Variants in NELL2 observed in about 807,000 individuals in gnomAD.
NELL2 encodes protein kinase C-binding protein NELL2.
NELL2 carries 41 observed loss-of-function variants against 109.6 expected under a neutral mutation model. The observed-to-expected ratio is 0.37, with a 90% CI of 0.29 to 0.49. The LOEUF (loss-of-function observed/expected upper bound fraction) is 0.49. NELL2 is among the 20% of genes least tolerant of loss of function. The probability of loss-of-function intolerance (pLI) is 0.98; values close to 1 mark genes in which losing one functional copy is unlikely to be tolerated. For synonymous variants in NELL2, 355 were observed against 344.7 expected, an observed-to-expected ratio of 1.03 and a Z score of -0.33; for missense variants, 900 against 1,008.3, an observed-to-expected ratio of 0.89 and a Z score of 1.45.
At position 44,723,466 on chromosome 12, in the gene NELL2, T is replaced by C. The variant is rs575450116; in HGVS notation, c.995-8725A>G. 1.6e-4 allele frequency among the ~76,000 whole-genome samples: 24 copies of C among 152,336 alleles called. No homozygotes were observed. In the South Asian group the frequency reaches 4.8e-3, roughly 30 times the overall value. ...TAATCAGTTAAACTGAGAAATCATA[T>C]ACGACAATAAATATGTACTTTAAAC... On this transcript the variant is annotated intron_variant, in intron 9 of 19. Transcript: ENST00000429094.
intron 19 of NELL2, among the ~76,000 whole-genome samples, chr12:44,516,581 C>T (rs182892798): frequency 6.6e-6 from 1 of 152,090 alleles, no homozygotes; most frequent in Non-Finnish European, 1.5e-5. Context: ...CAATGATTTC[C>T]TCTTTTATTT....
At chr12:44,569,536 A>G (rs1303861444) in intron 15 of NELL2, among the ~76,000 whole-genome samples, 1 of 152,076 alleles carries the variant, frequency 6.6e-6, no homozygotes, top group African/African-American at 2.4e-5. Flanking sequence ...CTTTAACTAA[A>G]CTAATCATTA....
upstream of NELL2, among the ~76,000 whole-genome samples, chr12:44,880,004 C>T (rs1481673066): frequency 1.3e-5 from 2 of 151,712 alleles, no homozygotes; most frequent in Admixed American, 6.6e-5. Context: ...CTTTCTATGA[C>T]TTCTGGTACA....
intron 19 of NELL2, among the ~76,000 whole-genome samples, chr12:44,518,706 A>G (rs567350062): frequency 6.6e-6 from 1 of 152,328 alleles, no homozygotes; most frequent in African/African-American, 2.4e-5. Flanking sequence ...ATCTCACAGA[A>G]AGATTAAGGG....
chr12:44,768,084 T>G (rs1165049332), intron 9 of NELL2, among the ~76,000 whole-genome samples: 8 of 152,160 alleles, frequency 5.3e-5, no homozygotes, highest in Non-Finnish European at 1.2e-4. Flanking sequence ...TGCCCTACAT[T>G]TCCCTGGCAT....
intron 19 of NELL2, among the ~76,000 whole-genome samples, chr12:44,515,548 T>A (rs568443745): frequency 6.6e-6 from 1 of 152,028 alleles, no homozygotes; most frequent in East Asian, 1.9e-4. Context: ...CTCTGGAGTG[T>A]TGGATATATT....
rs1327671301 is a variant in NELL2, at chr12:44,876,268, C to T, written c.-399G>A. 7 of 1,158,032 alleles carry T rather than the reference C, an allele frequency of 6.0e-6. No individual in the cohort carries two copies. The highest frequency in any genetic ancestry group is 4.8e-5 in the African/African-American group (3 of 63,058). 71.7% of individuals were successfully genotyped at this position (1,158,032 alleles called of 1,614,324 possible). A position where few individuals can be genotyped will look rare whatever the true frequency, so the allele number is the denominator to read the frequency against. On this transcript the variant is annotated 5_prime_UTR_variant, in exon 1 of 20. Transcript: ENST00000429094. Reference sequence around the variant, plus strand: ...AGCCCGGGCTGGGGCGGCCCCGCACCCCCCCGTCTTCCCCGCCGCCCGAAC... The same window carrying T: ...AGCCCGGGCTGGGGCGGCCCCGCACTCCCCCGTCTTCCCCGCCGCCCGAAC...
chr12:44,759,680 A>T (rs1195501740), intron 9 of NELL2, among the ~76,000 whole-genome samples: 1 of 152,230 alleles, frequency 6.6e-6, no homozygotes, highest in Non-Finnish European at 1.5e-5. Context: ...GCCAACTGAT[A>T]AAATGGGCTT....
At chr12:44,595,739 C>T (rs1944937122) in intron 15 of NELL2, among the ~76,000 whole-genome samples, 1 of 152,030 alleles carries the variant, frequency 6.6e-6, no homozygotes, top group African/African-American at 2.4e-5. Flanking sequence ...CCACGCCTGG[C>T]CCCTTTAACT....
At chr12:44,834,151 C>A (rs1188758566) in intron 2 of NELL2, among the ~76,000 whole-genome samples, 2 of 152,094 alleles carry the variant, frequency 1.3e-5, no homozygotes, top group Non-Finnish European at 2.9e-5. Context: ...GGAAATTAGG[C>A]CCAAACATCA....
intron 9 of NELL2, among the ~76,000 whole-genome samples, chr12:44,757,188 T>C (rs572818606): frequency 6.6e-6 from 1 of 152,290 alleles, no homozygotes; most frequent in South Asian, 2.1e-4. Flanking sequence ...CTACCTCTCA[T>C]ATATACGAAT....
intron 3 of NELL2, among the ~76,000 whole-genome samples, chr12:44,812,281 C>T (rs1943204868): frequency 6.6e-6 from 1 of 152,126 alleles, no homozygotes; most frequent in Admixed American, 6.5e-5. Flanking sequence ...GGCAGTGTTG[C>T]TTCAAAGACC....
At chr12:44,701,296 A>G (rs965572179) in intron 12 of NELL2, among the ~76,000 whole-genome samples, 2 of 152,158 alleles carry the variant, frequency 1.3e-5, no homozygotes, top group African/African-American at 2.4e-5. Flanking sequence ...ATTTGATGAT[A>G]TATGTTCAAC....
At chr12:44,791,808 C>T (rs1942444597) in intron 3 of NELL2, among the ~76,000 whole-genome samples, 1 of 151,924 alleles carries the variant, frequency 6.6e-6, no homozygotes, top group Non-Finnish European at 1.5e-5. Flanking sequence ...ACCTAATGAA[C>T]ATTCAAGAGG....
intron 13 of NELL2, among the ~76,000 whole-genome samples, chr12:44,658,506 C>G (rs930380808): frequency 1.3e-5 from 2 of 152,052 alleles, no homozygotes; most frequent in African/African-American, 4.8e-5. Context: ...ATGAAAATGG[C>G]CATACTGCCC....
intron 2 of NELL2, among the ~76,000 whole-genome samples, chr12:44,835,790 C>G (rs1044917270): frequency 2.0e-5 from 3 of 152,120 alleles, no homozygotes; most frequent in African/African-American, 7.2e-5. Context: ...AGGAGAAATG[C>G]GGAAGCCAAG....
At chr12:44,885,348 T>C (rs554447008) in intron 1 of NELL2, among the ~76,000 whole-genome samples, 3 of 152,032 alleles carry the variant, frequency 2.0e-5, no homozygotes, top group Non-Finnish European at 2.9e-5. Context: ...AAGAAATAAA[T>C]GTTTTCCCTA....
intron 12 of NELL2, among the ~76,000 whole-genome samples, chr12:44,693,287 A>T (rs1211953154): frequency 1.3e-5 from 2 of 152,192 alleles, no homozygotes; most frequent in African/African-American, 4.8e-5. Context: ...TTAAATTAAG[A>T]TACATACATT....
chr12:44,882,829 T>TC (rs59637499), intron 1 of NELL2, among the ~76,000 whole-genome samples: 19,242 of 139,450 alleles, frequency 0.14, 1,563 homozygotes, highest in East Asian at 0.22. Context: ...TGCCTGGCTA[T>TC]ATACCTTTTT....
Sources: gnomAD v4.1 joint callset for allele counts (sites outside exome capture counted in the v4.1 genomes callset) on GRCh38, gnomAD v4.1.1 for gene constraint, MANE v1.5 for transcripts, NCBI Gene and HGNC (gene_info 2026-07-23, HGNC 2026-07-21) for gene names.